MTUS1: variants seen among roughly 807,000 people sequenced by gnomAD.
The protein encoded by MTUS1 is microtubule associated scaffold protein 1, also known as microtubule-associated tumor suppressor 1.
In MTUS1, 109 loss-of-function variants were observed where a neutral mutation model predicts 120.8. The ratio of observed to expected loss-of-function variants is 0.90; its 90% confidence interval spans 0.77 to 1.06. The LOEUF is 1.06. Ranked by LOEUF, MTUS1 falls within the 50% of genes least tolerant of loss-of-function variation. MTUS1 has a pLI of 0.00. For missense variants in MTUS1, 2,210 were observed against 1,486.3 expected, an observed-to-expected ratio of 1.49 and a Z score of -8.01; for synonymous variants, 737 against 550.5, an observed-to-expected ratio of 1.34 and a Z score of -4.74.
intron 6 of MTUS1, among the ~76,000 whole-genome samples, chr8:17,695,876 A>C (rs1817841914): frequency 6.6e-6 from 1 of 152,204 alleles, no homozygotes; most frequent in African/African-American, 2.4e-5. Context: ...CAAGCAGCTG[A>C]GAGCGGCTGT....
chr8:17,683,376 A>G (rs540706810), intron 7 of MTUS1, among the ~76,000 whole-genome samples: 2 of 152,342 alleles, frequency 1.3e-5, no homozygotes, highest in East Asian at 3.9e-4. Flanking sequence ...CTAAAAAGGC[A>G]GCCATATTAC....
chr8:17,747,553 C>G (rs2047863433), intron 2 of MTUS1, among the ~76,000 whole-genome samples: 1 of 152,204 alleles, frequency 6.6e-6, no homozygotes, highest in African/African-American at 2.4e-5. Context: ...AACCCACAGC[C>G]TAAAGTGAGA....
intron 1 of MTUS1, among the ~76,000 whole-genome samples, chr8:17,777,064 G>A (rs539939683): frequency 9.2e-4 from 140 of 152,182 alleles, no homozygotes; most frequent in Admixed American, 1.4e-3. Flanking sequence ...TCCACTAAAT[G>A]AACTAGTGAA....
Position 17,723,236 on chromosome 8 carries a change from C to T in MTUS1, c.2449+436G>A, listed in dbSNP as rs889462939. The T allele has an allele frequency of 6.1e-5, 11 of 180,164 alleles. 1 individual carries two copies. Among genetic ancestry groups the T allele is most frequent in the Non-Finnish European group, 1.1e-4 (9 of 83,984 alleles). The allele number at this position is 180,164 out of a possible 1,614,324, so 11.2% of individuals were successfully genotyped here. A position where few individuals can be genotyped will look rare whatever the true frequency, so the allele number is the denominator to read the frequency against. Reference sequence around the variant, plus strand: ...AACTCACGTTAACTGAAAACTTTAACAAAATTCTCCTGAGTTTCAATTTTT... The same window carrying T: ...AACTCACGTTAACTGAAAACTTTAATAAAATTCTCCTGAGTTTCAATTTTT... On this transcript the variant is annotated intron_variant, in intron 4 of 14. Coordinates refer to ENST00000693296, the MANE Select transcript of MTUS1 (RefSeq NM_001363059.2).
chr8:17,714,166 A>G (rs1166778775), intron 5 of MTUS1, among the ~76,000 whole-genome samples: 1 of 152,202 alleles, frequency 6.6e-6, no homozygotes, highest in East Asian at 1.9e-4. Flanking sequence ...TGCCTCCGAA[A>G]TTTGATTAAC....
At chr8:17,722,495 C>T in intron 4 of MTUS1, 1 of 985,202 alleles carries the variant, frequency 1.0e-6, no homozygotes, top group Non-Finnish European at 1.2e-6. Flanking sequence ...AACAGTAAAG[C>T]TGGTAACAAT....
intron 13 of MTUS1, 104 bp from the exon 14 acceptor site, chr8:17,647,183 G>C: frequency 2.5e-6 from 2 of 814,778 alleles, no homozygotes; most frequent in South Asian, 1.7e-5. Flanking sequence ...ATTTAATTAA[G>C]GAAAATGCAA....
intron 8 of MTUS1, among the ~76,000 whole-genome samples, chr8:17,669,571 A>T (rs1417619262): frequency 1.3e-5 from 2 of 152,098 alleles, no homozygotes; most frequent in Non-Finnish European, 2.9e-5. Context: ...ACAGGCCAGG[A>T]GTGGTGGCTC....
chr8:17,771,799 G>A (rs1167094574), intron 1 of MTUS1, among the ~76,000 whole-genome samples: 1 of 152,174 alleles, frequency 6.6e-6, no homozygotes, highest in South Asian at 2.1e-4. Flanking sequence ...ATAATTCATC[G>A]TCCAGTGTTT....
intron 3 of MTUS1, among the ~76,000 whole-genome samples, chr8:17,733,969 T>G (rs2046767539): frequency 6.6e-6 from 1 of 152,228 alleles, no homozygotes; most frequent in Non-Finnish European, 1.5e-5. Flanking sequence ...TGTAACTCTA[T>G]TACATTATAT....
intron 12 of MTUS1, among the ~76,000 whole-genome samples, chr8:17,650,833 C>A (rs1432342234): frequency 1.3e-5 from 2 of 152,160 alleles, no homozygotes; most frequent in Non-Finnish European, 2.9e-5. Context: ...TCAACTAAAC[C>A]ATTCAAAATT....
At chr8:17,658,387 G>A (rs552309740) in intron 8 of MTUS1, among the ~76,000 whole-genome samples, 1 of 152,120 alleles carries the variant, frequency 6.6e-6, no homozygotes, top group Non-Finnish European at 1.5e-5. Flanking sequence ...AAAATAGAAT[G>A]ACTAACAATA....
intron 2 of MTUS1, among the ~76,000 whole-genome samples, chr8:17,750,688 A>G (rs1259809238): frequency 6.6e-6 from 1 of 152,206 alleles, no homozygotes; most frequent in African/African-American, 2.4e-5. Context: ...AAAGCACCTG[A>G]GCGTTACAGG....
At chr8:17,706,408 G>A (rs560638276) in intron 6 of MTUS1, among the ~76,000 whole-genome samples, 2 of 152,034 alleles carry the variant, frequency 1.3e-5, no homozygotes, top group African/African-American at 4.8e-5. Flanking sequence ...TTAAAAGTTC[G>A]TTCTCCTCCT....
intron 7 of MTUS1, among the ~76,000 whole-genome samples, chr8:17,683,073 C>T (rs894821509): frequency 6.6e-6 from 1 of 152,160 alleles, no homozygotes; most frequent in Non-Finnish European, 1.5e-5. Context: ...GAGATCGAGA[C>T]CATCCTGCCT....
At chr8:17,759,558 G>A (rs1037446734) in intron 1 of MTUS1, among the ~76,000 whole-genome samples, 2 of 148,614 alleles carry the variant, frequency 1.3e-5, no homozygotes, top group African/African-American at 4.9e-5. Flanking sequence ...AAAGGGGGCA[G>A]GATTCTTTAT....
intron 8 of MTUS1, among the ~76,000 whole-genome samples, chr8:17,673,697 C>T (rs185904318): frequency 1.3e-5 from 2 of 152,220 alleles, no homozygotes; most frequent in East Asian, 1.9e-4. Flanking sequence ...TCAAGTGATC[C>T]TCCCACCTCA....
chr8:17,746,056 C>CTGTGGAACTG (rs1563310476), intron 2 of MTUS1, among the ~76,000 whole-genome samples: 1 of 152,192 alleles, frequency 6.6e-6, no homozygotes, highest in African/African-American at 2.4e-5. Context: ...CCTGTACAGC[C>CTGTGGAACTG]TGTGGAACTG....
chr8:17,772,406 C>A (rs1212524168), intron 1 of MTUS1, among the ~76,000 whole-genome samples: 6 of 152,130 alleles, frequency 3.9e-5, no homozygotes, highest in African/African-American at 1.4e-4. Context: ...TTTTCAATAT[C>A]CCTACTGACT....
Sources: allele counts gnomAD v4.1 joint callset (sites outside exome capture counted in the v4.1 genomes callset), GRCh38; gene constraint gnomAD v4.1.1; transcripts MANE v1.5; gene names NCBI Gene and HGNC (gene_info 2026-07-23, HGNC 2026-07-21).